Variants in TEX14 observed in about 807,000 individuals in gnomAD.
TEX14 encodes testis expressed 14, intercellular bridge forming factor, also known as inactive serine/threonine-protein kinase TEX14.
In TEX14, 168 loss-of-function variants were observed where a neutral mutation model predicts 178.6. The ratio of observed to expected loss-of-function variants is 0.94; its 90% CI spans 0.83 to 1.07. The LOEUF (loss-of-function observed/expected upper bound fraction) is 1.07, where lower values mean the gene tolerates loss of function less well. TEX14 is among the 50% of genes least tolerant of loss of function. TEX14 has a pLI of 0.00. For synonymous variants in TEX14, 626 were observed against 634.1 expected, an observed-to-expected ratio of 0.99 and a Z score of 0.19; for missense variants, 1,730 against 1,753.6, an observed-to-expected ratio of 0.99 and a Z score of 0.24.
intron 1 of TEX14, chr17:58,661,153 G>A: frequency 1.2e-6 from 1 of 822,756 alleles, no homozygotes; most frequent in Non-Finnish European, 2.2e-6. Context: ...TAGCAACGAG[G>A]CTAGGATAAG....
At chr17:58,653,656 C>T (rs146343636) in intron 1 of TEX14, among the ~76,000 whole-genome samples, 2 of 152,276 alleles carry the variant, frequency 1.3e-5, no homozygotes, top group East Asian at 3.9e-4. Flanking sequence ...TATTCTGCAG[C>T]CCTATGATTA....
chr17:58,656,397 A>C (rs2046961589), intron 1 of TEX14, among the ~76,000 whole-genome samples: 1 of 151,368 alleles, frequency 6.6e-6, no homozygotes, highest in Non-Finnish European at 1.5e-5. Context: ...GTGAGCCGAG[A>C]TCATGCCACT....
intron 28 of TEX14, among the ~76,000 whole-genome samples, chr17:58,563,695 AGAGAGAGCGC>A (rs2044333436): frequency 2.9e-5 from 1 of 34,812 alleles, no homozygotes; most frequent in Non-Finnish European, 5.3e-5. Flanking sequence ...AGAGAGAGAG[AGAGAGAGCGC>A]AAGATCATAC....
intron 20 of TEX14, among the ~76,000 whole-genome samples, chr17:58,578,614 A>G (rs2044735972): frequency 6.6e-6 from 1 of 152,222 alleles, no homozygotes; most frequent in African/African-American, 2.4e-5. Context: ...AGCTCTGGTT[A>G]TCTGACCTGT....
chr17:58,666,265 TC>T (rs1404638488), intron 1 of TEX14, among the ~76,000 whole-genome samples: 2 of 151,036 alleles, frequency 1.3e-5, no homozygotes, highest in Non-Finnish European at 2.9e-5. Context: ...CGAGAATAGC[TC>T]GAACTCGGGA....
intron 10 of TEX14, 50 bp downstream of exon 10, chr17:58,611,111 C>T (rs753762338): frequency 1.4e-6 from 2 of 1,405,622 alleles, no homozygotes; most frequent in South Asian, 2.4e-5. Context: ...AGGAAGGGTC[C>T]CCAAGGGAGA....
intron 3 of TEX14, among the ~76,000 whole-genome samples, chr17:58,630,013 C>CT (rs1246976464): frequency 1.5e-5 from 2 of 137,636 alleles, no homozygotes; most frequent in African/African-American, 5.4e-5. Flanking sequence ...GGCCTAAACT[C>CT]TGATTCTTTT....
intron 23 of TEX14, 64 bp downstream of exon 23, chr17:58,573,117 C>T: frequency 6.3e-7 from 1 of 1,590,146 alleles, no homozygotes; most frequent in Non-Finnish European, 8.6e-7. Context: ...GGCTTGGCTT[C>T]CCAGAGACAA....
intron 23 of TEX14, 140 bp downstream of exon 23, chr17:58,573,041 A>G: frequency 8.3e-7 from 1 of 1,208,362 alleles, no homozygotes; most frequent in Non-Finnish European, 1.2e-6. Flanking sequence ...CAATGGGATT[A>G]CCCAGTTTTG....
At chr17:58,566,047 A>T (rs2044391149) in intron 26 of TEX14, among the ~76,000 whole-genome samples, 1 of 152,162 alleles carries the variant, frequency 6.6e-6, no homozygotes, top group Non-Finnish European at 1.5e-5. Flanking sequence ...TGTGATTCTG[A>T]TGTCTGATAA....
chr17:58,628,865 A>G (rs2046212910), intron 3 of TEX14, among the ~76,000 whole-genome samples: 1 of 152,014 alleles, frequency 6.6e-6, no homozygotes, highest in South Asian at 2.1e-4. Context: ...AGCCTGGGTG[A>G]CAGAGCAAGA....
intron 2 of TEX14, among the ~76,000 whole-genome samples, chr17:58,636,923 GAAGA>G (rs2046447309): frequency 2.1e-5 from 3 of 142,924 alleles, no homozygotes; most frequent in Admixed American, 7.0e-5. Flanking sequence ...AAAAAAAAAA[GAAGA>G]AAGAAAGATT....
At position 58,667,248 on chromosome 17, in the gene TEX14, T is replaced by C. The variant is rs151078085; in HGVS notation, c.-1-15246A>G. Reference sequence around the variant, plus strand: ...GGCTGTACTGCAGAGTGGAGGGTTTTGGAATCCAAGATCTGGACTGCAATA... The same window carrying C: ...GGCTGTACTGCAGAGTGGAGGGTTTCGGAATCCAAGATCTGGACTGCAATA... On this transcript the variant is annotated intron_variant, in intron 1 of 31. Transcript: ENST00000349033. Among the ~76,000 whole-genome samples the C allele has an allele frequency of 5.2e-3, 795 of 152,292 alleles. 2 individuals carry two copies. Among genetic ancestry groups the C allele is most frequent in the Non-Finnish European group, 8.7e-3 (595 of 68,028 alleles).
chr17:58,611,969 A>T (rs1229962920), intron 9 of TEX14, among the ~76,000 whole-genome samples: 1 of 152,322 alleles, frequency 6.6e-6, no homozygotes, highest in East Asian at 1.9e-4. Flanking sequence ...TTGGGGGAAG[A>T]GCCCTTCTTG....
intron 23 of TEX14, among the ~76,000 whole-genome samples, chr17:58,572,468 TA>T (rs1260049259): frequency 6.6e-6 from 1 of 151,972 alleles, no homozygotes; most frequent in African/African-American, 2.4e-5. Context: ...CTGTCTCTAC[TA>T]AAAATACAAA....
intron 1 of TEX14, among the ~76,000 whole-genome samples, chr17:58,673,598 C>T (rs1437867972): frequency 6.6e-6 from 1 of 151,924 alleles, no homozygotes; most frequent in Admixed American, 6.6e-5. Flanking sequence ...TGTTCTGTAA[C>T]CCAGGCTGGT....
At chr17:58,665,734 A>G (rs2047191944) in intron 1 of TEX14, among the ~76,000 whole-genome samples, 1 of 151,636 alleles carries the variant, frequency 6.6e-6, no homozygotes, top group South Asian at 2.1e-4. Context: ...ATTCTTAAGA[A>G]CCAAAAGAAA....
At chr17:58,632,880 C>T (rs2046353694) in intron 2 of TEX14, among the ~76,000 whole-genome samples, 1 of 152,146 alleles carries the variant, frequency 6.6e-6, no homozygotes. Flanking sequence ...GGGGGAGGGA[C>T]TTGGATGCTA....
intron 1 of TEX14, chr17:58,661,281 C>T (rs776399135): frequency 1.2e-6 from 1 of 806,974 alleles, no homozygotes; most frequent in Admixed American, 1.7e-5. Flanking sequence ...TGTTCGCGAG[C>T]CTGCTGCAAA....
Sources: gnomAD v4.1 joint callset for allele counts (sites outside exome capture counted in the v4.1 genomes callset) on GRCh38, gnomAD v4.1.1 for gene constraint, MANE v1.5 for transcripts, NCBI Gene and HGNC (gene_info 2026-07-23, HGNC 2026-07-21) for gene names.